The following DCHS2 variants were observed in gnomAD, a reference collection of about 807,000 sequenced individuals.
DCHS2 encodes protocadherin-23.
DCHS2 carries 142 observed loss-of-function variants against 182.4 expected under a neutral mutation model. That is an observed-to-expected ratio of 0.78 (90% CI 0.68 to 0.89). The LOEUF (loss-of-function observed/expected upper bound fraction) is 0.89, where lower values mean the gene tolerates loss of function less well. Among genes scored for constraint, DCHS2 ranks in the 40% least tolerant of loss-of-function variants. The pLI is 0.00. For synonymous variants in DCHS2, 1,740 were observed against 1,663.3 expected, an observed-to-expected ratio of 1.05 and a Z score of -1.12; for missense variants, 4,319 against 4,198.6, an observed-to-expected ratio of 1.03 and a Z score of -0.79.
At chr4:154,391,448 C>A in intron 1 of DCHS2, 3 of 1,143,854 alleles carry the variant, frequency 2.6e-6, no homozygotes, top group Non-Finnish European at 3.6e-6. Context: ...ATAGGCAGAT[C>A]AGAGAGTCAC....
At chr4:154,300,140 G>C (rs376040031) in intron 12 of DCHS2, among the ~76,000 whole-genome samples, 2 of 152,282 alleles carry the variant, frequency 1.3e-5, no homozygotes, top group East Asian at 3.9e-4. Flanking sequence ...GTTTGGGTGT[G>C]ACTAGTACAC....
At chr4:154,443,899 T>C (rs183646912) in intron 1 of DCHS2, among the ~76,000 whole-genome samples, 53 of 152,356 alleles carry the variant, frequency 3.5e-4, no homozygotes, top group Admixed American at 1.5e-3. Flanking sequence ...AGCTGCTCAC[T>C]GCTTGTGGCC....
intron 13 of DCHS2, among the ~76,000 whole-genome samples, chr4:154,271,884 C>A (rs559638571): frequency 6.6e-6 from 1 of 152,114 alleles, no homozygotes; most frequent in East Asian, 1.9e-4. Flanking sequence ...TGATCAGTAT[C>A]ATGATCATAG....
chr4:154,275,545 G>A (rs1381317829), intron 13 of DCHS2, among the ~76,000 whole-genome samples: 3 of 152,034 alleles, frequency 2.0e-5, no homozygotes, highest in African/African-American at 4.8e-5. Context: ...ATATAAAAAT[G>A]TCTTAGATTT....
At position 154,490,700 on chromosome 4, in the gene DCHS2, G is replaced by A. The variant is rs748255196; in HGVS notation, c.656C>T (p.Pro219Leu). Reference sequence around the variant, plus strand: ...AGTCCGGTAGCGCAACTGGAAGAACGGGCCTGCGGGGTCCTTGGGCAGGTC... The same window carrying A: ...AGTCCGGTAGCGCAACTGGAAGAACAGGCCTGCGGGGTCCTTGGGCAGGTC... ...PSDLPKDPAG[P>L]FFQLRYRTPG... The change falls in exon 1 of 20, where the codon CCG becomes CTG. Residue 219 changes from proline (P) to leucine (L), a missense_variant. Pro to Leu is a moderately conservative substitution (Grantham distance 98). Transcript: ENST00000357232. 2 of 1,551,578 alleles carry A rather than the reference G, an allele frequency of 1.3e-6. No individual in the cohort carries two copies. Among genetic ancestry groups the A allele is most frequent in the South Asian group, 2.4e-5 (2 of 84,056 alleles).
intron 17 of DCHS2, 33 bp downstream of exon 17, chr4:154,242,609 A>C: frequency 6.2e-7 from 1 of 1,601,400 alleles, no homozygotes. Flanking sequence ...ATACAAGTTA[A>C]TCAAAACCAC....
At chr4:154,240,933 C>A in intron 17 of DCHS2, 110 bp from the exon 18 acceptor site, 6 of 1,442,080 alleles carry the variant, frequency 4.2e-6, no homozygotes, top group South Asian at 2.9e-5. Context: ...ATGATTTGCT[C>A]TTTCTTGGCT....
chr4:154,424,683 A>C (rs1733250409), intron 1 of DCHS2, among the ~76,000 whole-genome samples: 2 of 152,234 alleles, frequency 1.3e-5, no homozygotes, highest in East Asian at 3.9e-4. Flanking sequence ...GCAACTTGTC[A>C]GAAACCTTAT....
Position 154,298,560 on chromosome 4 carries a change from G to C in DCHS2, c.5754C>G (p.His1918Gln), listed in dbSNP as rs774543824. The C allele has an allele frequency of 2.5e-6, 4 of 1,614,166 alleles. No individual in the cohort carries two copies. In the South Asian group the frequency reaches 3.3e-5, roughly 13 times the overall value. ...TGGCATCCAAAACTCTAACTTGCAG[G>C]TGTATTACAGAGCTCCTAGGTGGAT... Reference protein sequence around the residue: ...LGDPPRSSVIHLQVRVLDAND... With the variant: ...LGDPPRSSVIQLQVRVLDAND... The change falls in exon 13 of 20, where the codon CAC becomes CAG. Residue 1918 changes from histidine (H) to glutamine (Q), a missense_variant. Physicochemically the swap from His to Gln is conservative, Grantham distance 24 (BLOSUM62 0). Transcript: ENST00000357232.
chr4:154,283,640 TAGAG>T (rs920434004), intron 13 of DCHS2, among the ~76,000 whole-genome samples: 3 of 152,296 alleles, frequency 2.0e-5, no homozygotes, highest in Admixed American at 6.5e-5. Flanking sequence ...CATAGCAACT[TAGAG>T]AAAGGCAGGT....
chr4:154,281,443 A>G (rs936375395), intron 13 of DCHS2, among the ~76,000 whole-genome samples: 1 of 152,188 alleles, frequency 6.6e-6, no homozygotes, highest in Admixed American at 6.5e-5. Context: ...ATCATCAAAC[A>G]AAATAAAATA....
chr4:154,257,550 CG>C (rs925767655), intron 15 of DCHS2, among the ~76,000 whole-genome samples: 3 of 152,096 alleles, frequency 2.0e-5, no homozygotes, highest in African/African-American at 7.2e-5. Context: ...ACACCTTTGG[CG>C]GGATGGGAGT....
rs1731449825 is a variant in DCHS2, at chr4:154,235,773, G to A, written c.8879C>T (p.Ala2960Val). The A allele has an allele frequency of 6.2e-7, 1 of 1,614,028 alleles. No individual in the cohort carries two copies. Among genetic ancestry groups the A allele is most frequent in the Non-Finnish European group, 8.5e-7 (1 of 1,179,980 alleles). The part of the protein sequence containing the change: ...KEDTLEMKII[A>V]HSPKSDSKFA... ...CTTGGAATCTGATTTGGGACTATGA[G>A]CGATTATTTTCATTTCCAAGGTGTC... is the stretch of plus-strand genomic sequence containing the variant. Residue 2960 changes from alanine (A) to valine (V), a missense_variant, in exon 20 of 20, where the codon GCT becomes GTT. Ala to Val is a moderately conservative substitution (Grantham distance 64, BLOSUM62 0). Transcript: ENST00000357232.
Position 154,491,515 on chromosome 4 carries a change from C to T in DCHS2, c.-160G>A. Reference sequence around the variant, plus strand: ...GGAATTCCCGAGGTTACATCTGCAACTGGTGAAAGCGTCCTCTGCCTGCAG... The same window carrying T: ...GGAATTCCCGAGGTTACATCTGCAATTGGTGAAAGCGTCCTCTGCCTGCAG... On this transcript the variant is annotated 5_prime_UTR_variant, in exon 1 of 20. Coordinates refer to ENST00000357232, the MANE Select transcript of DCHS2 (RefSeq NM_001358235.2). The T allele has an allele frequency of 7.1e-7, 1 of 1,401,218 alleles. No homozygotes were observed. Among genetic ancestry groups the T allele is most frequent in the Non-Finnish European group, 9.2e-7 (1 of 1,083,906 alleles). 86.8% of individuals were successfully genotyped at this position (1,401,218 alleles called of 1,614,324 possible).
At chr4:154,364,283 A>T (rs76694989) in intron 3 of DCHS2, among the ~76,000 whole-genome samples, 3 of 152,196 alleles carry the variant, frequency 2.0e-5, no homozygotes, top group Non-Finnish European at 4.4e-5. Flanking sequence ...AACAGAATAC[A>T]GTATAACTCA....
At chr4:154,480,742 C>T (rs914211530) in intron 1 of DCHS2, among the ~76,000 whole-genome samples, 4 of 152,136 alleles carry the variant, frequency 2.6e-5, no homozygotes, top group African/African-American at 9.7e-5. Flanking sequence ...CTAGTACACA[C>T]ATAATACAAA....
intron 13 of DCHS2, among the ~76,000 whole-genome samples, chr4:154,296,626 A>G (rs996604523): frequency 6.6e-6 from 1 of 152,230 alleles, no homozygotes; most frequent in Non-Finnish European, 1.5e-5. Flanking sequence ...TTTCCAACAA[A>G]GAAATGTTAA....
intron 9 of DCHS2, 88 bp downstream of exon 9, chr4:154,320,291 C>T (rs1736005835): frequency 6.6e-6 from 10 of 1,518,020 alleles, no homozygotes; most frequent in Middle Eastern, 1.8e-4. Context: ...GTATTGTACA[C>T]TTAAAACTTT....
rs754027230 is a variant in DCHS2, at chr4:154,255,637, C to G, written c.6823G>C (p.Gly2275Arg). ...GACAGAATAGAATACTCAATCAGGC[C>G]GTTCAAACCACTGTCCAAGTCGGTA... is the stretch of plus-strand genomic sequence containing the variant. ...FATDLDSGLN[G>R]LIEYSILSGN... The change falls in exon 16 of 20, where the codon GGC (glycine) becomes CGC (arginine). Residue 2275 changes from glycine to arginine, a missense_variant. Gly to Arg is a moderately radical substitution (Grantham distance 125). Coordinates refer to ENST00000357232, the MANE Select transcript of DCHS2 (RefSeq NM_001358235.2). 1 of 1,613,834 alleles carries G rather than the reference C, an allele frequency of 6.2e-7. No homozygotes were observed. The highest frequency in any genetic ancestry group is 1.7e-5 in the Admixed American group (1 of 60,006).
Sources: allele counts gnomAD v4.1 joint callset (sites outside exome capture counted in the v4.1 genomes callset), GRCh38; gene constraint gnomAD v4.1.1; transcripts MANE v1.5; gene names NCBI Gene and HGNC (gene_info 2026-07-23, HGNC 2026-07-21).